ODAD2: variants seen among roughly 807,000 people sequenced by gnomAD.
ODAD2 encodes outer dynein arm-docking complex subunit 2.
ODAD2 carries 89 observed loss-of-function variants against 106.8 expected under a neutral mutation model. The observed-to-expected ratio is 0.83, with a 90% CI of 0.70 to 0.99. The LOEUF (loss-of-function observed/expected upper bound fraction) is 0.99, where lower values mean the gene tolerates loss of function less well. Ranked by LOEUF, ODAD2 falls within the 50% of genes least tolerant of loss-of-function variation. The probability of loss-of-function intolerance (pLI) is 0.00; values close to 1 mark genes in which losing one functional copy is unlikely to be tolerated. For missense variants in ODAD2, 1,168 were observed against 1,238.5 expected (o/e 0.94, Z 0.85); for synonymous variants, 404 against 436.2 (o/e 0.93, Z 0.92).
chr10:27,927,943 C>T (rs905807968), intron 16 of ODAD2, among the ~76,000 whole-genome samples: 3 of 152,216 alleles, frequency 2.0e-5, no homozygotes, highest in South Asian at 4.1e-4. Flanking sequence ...ATATTATACA[C>T]CCAACCCATC....
At chr10:27,870,501 C>A (rs1394438875) in intron 17 of ODAD2, among the ~76,000 whole-genome samples, 1 of 152,090 alleles carries the variant, frequency 6.6e-6, no homozygotes, top group Non-Finnish European at 1.5e-5. Flanking sequence ...CTATCCCTCC[C>A]CCATCCCCCA....
chr10:27,999,290 G>A (rs535099294), upstream of ODAD2, among the ~76,000 whole-genome samples: 313 of 152,246 alleles, frequency 2.1e-3, 1 homozygote, highest in African/African-American at 7.2e-3. Context: ...ACTTAAAATG[G>A]AGCAGAAAGG....
chr10:27,862,840 T>C (rs529920060), intron 17 of ODAD2, among the ~76,000 whole-genome samples: 1 of 151,874 alleles, frequency 6.6e-6, no homozygotes, highest in Non-Finnish European at 1.5e-5. Context: ...GTAGCACATA[T>C]AAAAATTCAG....
Position 27,976,662 on chromosome 10 carries a change from C to A in ODAD2, c.936+4804G>T, listed in dbSNP as rs1205762290. 2.0e-5 allele frequency among the ~76,000 whole-genome samples: 3 copies of A among 152,146 alleles called. No individual in the cohort carries two copies. In the East Asian group the frequency reaches 5.8e-4, roughly 29 times the overall value. Reference sequence around the variant, plus strand: ...AGAAAATTCAATATTGTTAAGATGTCCATTTTTCCTAAATTCGTCTATAAA... The same window carrying A: ...AGAAAATTCAATATTGTTAAGATGTACATTTTTCCTAAATTCGTCTATAAA... On this transcript the variant is annotated intron_variant, in intron 7 of 19. Transcript: ENST00000305242.
intron 12 of ODAD2, among the ~76,000 whole-genome samples, chr10:27,943,795 C>CAAAAAAAAAAAAAA (rs56059926): frequency 3.4e-5 from 2 of 58,642 alleles, no homozygotes; most frequent in African/African-American, 1.5e-4. Context: ...GGCTCTGTCT[C>CAAAAAAAAAAAAAA]AAAAAAAAAA....
intron 19 of ODAD2, among the ~76,000 whole-genome samples, chr10:27,855,259 A>G (rs1267251862): frequency 6.6e-6 from 1 of 152,222 alleles, no homozygotes; most frequent in Admixed American, 6.5e-5. Flanking sequence ...AAAGTTAAAC[A>G]TGATGAACTA....
chr10:27,991,222 T>C (rs1470787572), intron 2 of ODAD2, among the ~76,000 whole-genome samples: 2 of 152,148 alleles, frequency 1.3e-5, no homozygotes, highest in Admixed American at 1.3e-4. Flanking sequence ...AGACCTATGA[T>C]TTCCATGAAA....
At chr10:27,840,107 T>G (rs997625246) in intron 19 of ODAD2, among the ~76,000 whole-genome samples, 4 of 152,230 alleles carry the variant, frequency 2.6e-5, no homozygotes, top group African/African-American at 9.6e-5. Context: ...CAGCCAAAGC[T>G]GTCAGCAAGA....
intron 3 of ODAD2, 113 bp from the exon 4 acceptor site, chr10:27,985,324 T>C (rs1409904163): frequency 1.1e-6 from 1 of 929,210 alleles, no homozygotes. Context: ...TTTCTTTCAT[T>C]AAGCTTTTTC....
intron 10 of ODAD2, among the ~76,000 whole-genome samples, chr10:27,955,974 G>A (rs1847702758): frequency 2.6e-5 from 4 of 152,010 alleles, no homozygotes; most frequent in Admixed American, 2.6e-4. Flanking sequence ...CCACTACTAA[G>A]CTGGGATCCA....
intron 2 of ODAD2, among the ~76,000 whole-genome samples, chr10:27,992,350 C>G (rs772442251): frequency 6.6e-6 from 1 of 152,054 alleles, no homozygotes; most frequent in African/African-American, 2.4e-5. Flanking sequence ...GTAATTGTTT[C>G]AAAATGTCAA....
intron 17 of ODAD2, among the ~76,000 whole-genome samples, chr10:27,887,616 CA>C (rs1842310257): frequency 6.6e-5 from 10 of 151,814 alleles, no homozygotes; most frequent in Non-Finnish European, 1.5e-5. Context: ...ATATTGAAGT[CA>C]TATAAAGTAT....
At chr10:27,940,221 T>C (rs995637954) in intron 13 of ODAD2, among the ~76,000 whole-genome samples, 10 of 150,990 alleles carry the variant, frequency 6.6e-5, no homozygotes, top group Non-Finnish European at 1.2e-4. Flanking sequence ...TAGATATATA[T>C]GTCAGCATAT....
At position 27,940,810 on chromosome 10, in the gene ODAD2, A is replaced by G. The variant is rs752364240; in HGVS notation, c.1744-5T>C. The stretch of plus-strand genomic sequence containing the variant: ...TGCACAGTCTAGTAGAGCAACCTAT[A>G]ATAATAGATAAATCCAATGTTCATG... On this transcript the variant is annotated splice_region_variant and splice_polypyrimidine_tract_variant and intron_variant, in intron 12 of 19. Coordinates refer to ENST00000305242, the MANE Select transcript of ODAD2 (RefSeq NM_018076.5). 1 of 1,610,176 alleles carries G rather than the reference A, an allele frequency of 6.2e-7. No individual in the cohort carries two copies.
intron 16 of ODAD2, among the ~76,000 whole-genome samples, chr10:27,919,972 C>T (rs950854741): frequency 3.9e-5 from 6 of 151,960 alleles, no homozygotes; most frequent in African/African-American, 9.7e-5. Flanking sequence ...TCAGATAAAA[C>T]ACTCTATGCT....
rs140575451 is a variant in ODAD2, at chr10:27,910,493, C to T, written c.2496-2716G>A. 4.5e-3 allele frequency among the ~76,000 whole-genome samples: 678 copies of T among 152,232 alleles called. 4 individuals carry two copies. Among genetic ancestry groups the T allele is most frequent in the African/African-American group, 0.016 (655 of 41,514 alleles). On this transcript the variant is annotated intron_variant, in intron 16 of 19. Transcript: ENST00000305242. Reference sequence around the variant, plus strand: ...CACTTGGGTCAGGCACGGTGGCTCACGCCTGTAATCCTAACACTTTGGGAG... The same window carrying T: ...CACTTGGGTCAGGCACGGTGGCTCATGCCTGTAATCCTAACACTTTGGGAG...
intron 17 of ODAD2, among the ~76,000 whole-genome samples, chr10:27,899,664 G>T (rs1843066375): frequency 6.6e-6 from 1 of 152,152 alleles, no homozygotes; most frequent in African/African-American, 2.4e-5. Flanking sequence ...TTGAGTAGGT[G>T]GTTTTCCCCT....
intron 17 of ODAD2, chr10:27,904,224 A>G: frequency 2.6e-6 from 1 of 391,992 alleles, no homozygotes; most frequent in Non-Finnish European, 5.2e-6. Flanking sequence ...GCACATTCCT[A>G]AAGCCTTCCA....
At chr10:27,928,822 A>C (rs1477549487) in intron 16 of ODAD2, among the ~76,000 whole-genome samples, 1 of 152,138 alleles carries the variant, frequency 6.6e-6, no homozygotes, top group Non-Finnish European at 1.5e-5. Flanking sequence ...TACACACAGC[A>C]CTTATTATAT....
Sources: allele counts gnomAD v4.1 joint callset (sites outside exome capture counted in the v4.1 genomes callset), GRCh38; gene constraint gnomAD v4.1.1; transcripts MANE v1.5; gene names NCBI Gene and HGNC (gene_info 2026-07-23, HGNC 2026-07-21).